The following LINC00305 variants were observed in gnomAD, a reference collection of about 807,000 sequenced individuals.
The protein encoded by LINC00305 is long intergenic non-protein coding RNA 305.
At chr18:64,106,006 A>G (rs1163936060) in intron 1 of LINC00305, among the ~76,000 whole-genome samples, 1 of 152,220 alleles carries the variant, frequency 6.6e-6, no homozygotes, top group Non-Finnish European at 1.5e-5. Flanking sequence ...TGCATGTAAC[A>G]TTGTTTCCAA....
Position 64,084,823 on chromosome 18 carries a change from T to C in LINC00305, n.541-4421A>G, listed in dbSNP as rs547004304. On this transcript the variant is annotated intron_variant and non_coding_transcript_variant, in intron 3 of 3. Coordinates refer to ENST00000666468, the Ensembl canonical transcript of LINC00305. Reference sequence around the variant, plus strand: ...TCAGCCCCATATATCTTTCATCTGATAGAAGCCAGCCTTCTCATGATGCTT... The same window carrying C: ...TCAGCCCCATATATCTTTCATCTGACAGAAGCCAGCCTTCTCATGATGCTT... 5.3e-5 allele frequency among the ~76,000 whole-genome samples: 8 copies of C among 152,358 alleles called. No individual in the cohort carries two copies. The East Asian group carries it at 1.5e-3, about 29-fold the overall frequency.
At chr18:64,119,940 C>A (rs1240842951) in intron 1 of LINC00305, among the ~76,000 whole-genome samples, 6 of 152,180 alleles carry the variant, frequency 3.9e-5, no homozygotes, top group Middle Eastern at 6.8e-3. Flanking sequence ...AGTGATGCTT[C>A]TTGTCCATGT....
At chr18:64,142,744 C>T (rs1031412463) in intron 1 of LINC00305, among the ~76,000 whole-genome samples, 1 of 151,924 alleles carries the variant, frequency 6.6e-6, no homozygotes, top group African/African-American at 2.4e-5. Context: ...GTATATAACC[C>T]CAGGAACCTT....
chr18:64,118,670 T>C (rs894976605), intron 1 of LINC00305, among the ~76,000 whole-genome samples: 7 of 152,170 alleles, frequency 4.6e-5, no homozygotes, highest in Admixed American at 3.3e-4. Context: ...CAAATGTACA[T>C]AAATTATATA....
chr18:64,114,271 G>A (rs891116241), intron 1 of LINC00305, among the ~76,000 whole-genome samples: 8 of 152,266 alleles, frequency 5.3e-5, no homozygotes, highest in Non-Finnish European at 1.0e-4. Context: ...AACGTTCAGG[G>A]TTCTAAAGTG....
At chr18:64,136,998 C>T (rs1190519474) in intron 1 of LINC00305, among the ~76,000 whole-genome samples, 1 of 152,192 alleles carries the variant, frequency 6.6e-6, no homozygotes, top group Non-Finnish European at 1.5e-5. Context: ...AAATCCATGA[C>T]TACGTGGAAC....
At chr18:64,107,531 T>G (rs996874798) in intron 1 of LINC00305, among the ~76,000 whole-genome samples, 2 of 152,200 alleles carry the variant, frequency 1.3e-5, no homozygotes, top group African/African-American at 2.4e-5. Flanking sequence ...GAGGAAGCAT[T>G]GGCTTTTGCC....
chr18:64,110,555 A>G (rs937739128), intron 1 of LINC00305, among the ~76,000 whole-genome samples: 1 of 152,182 alleles, frequency 6.6e-6, no homozygotes, highest in Non-Finnish European at 1.5e-5. Context: ...TTTTTTGAAG[A>G]AGAAATGCTT....
At chr18:64,126,507 G>T (rs1177799389) in intron 1 of LINC00305, among the ~76,000 whole-genome samples, 1 of 151,946 alleles carries the variant, frequency 6.6e-6, no homozygotes, top group African/African-American at 2.4e-5. Context: ...ACCAACATAG[G>T]CTCTCGCTCA....
intron 1 of LINC00305, among the ~76,000 whole-genome samples, chr18:64,140,325 C>T (rs936139497): frequency 5.3e-5 from 8 of 152,170 alleles, no homozygotes; most frequent in African/African-American, 1.7e-4. Context: ...TCTCCTGCCT[C>T]ACCCTCCCAA....
chr18:64,117,885 A>T (rs56022745), intron 1 of LINC00305, among the ~76,000 whole-genome samples: 10,309 of 152,262 alleles, frequency 0.068, 521 homozygotes, highest in Non-Finnish European at 0.11. Context: ...CCACGATGTC[A>T]GGTGTATTCC....
At chr18:64,109,803 G>A (rs2144248334) in intron 1 of LINC00305, among the ~76,000 whole-genome samples, 1 of 152,310 alleles carries the variant, frequency 6.6e-6, no homozygotes, top group South Asian at 2.1e-4. Flanking sequence ...CATGGAAGAG[G>A]ATTGATGTGC....
chr18:64,110,876 T>C (rs2051312126), intron 1 of LINC00305, among the ~76,000 whole-genome samples: 1 of 152,212 alleles, frequency 6.6e-6, no homozygotes, highest in Non-Finnish European at 1.5e-5. Flanking sequence ...CACTTTGCTG[T>C]GGATGGACGC....
At position 64,105,917 on chromosome 18, in the gene LINC00305, T is replaced by C. The variant is rs140932779; in HGVS notation, n.315-7277A>G. Among the ~76,000 whole-genome samples the C allele has an allele frequency of 1.1e-4, 16 of 152,318 alleles. No individual in the cohort carries two copies. The East Asian group carries it at 3.1e-3, about 29-fold the overall frequency. ...GCAGTTATGAGTGAAAATGGAGAGA[T>C]ATAATTAGAAAGGCTTTTATCCCTG... On this transcript the variant is annotated intron_variant and non_coding_transcript_variant, in intron 1 of 3. Transcript: ENST00000666468.
intron 1 of LINC00305, among the ~76,000 whole-genome samples, chr18:64,143,892 A>G (rs1177544533): frequency 6.6e-6 from 1 of 152,054 alleles, no homozygotes; most frequent in Non-Finnish European, 1.5e-5. Flanking sequence ...GTATATATAC[A>G]CACACACAGA....
chr18:64,085,649 T>C (rs2051200446), intron 3 of LINC00305, among the ~76,000 whole-genome samples: 1 of 152,034 alleles, frequency 6.6e-6, no homozygotes, highest in Admixed American at 6.6e-5. Flanking sequence ...TTAGTAGAGA[T>C]GGGGTTTCGC....
intron 1 of LINC00305, among the ~76,000 whole-genome samples, chr18:64,099,419 A>C (rs535606011): frequency 6.6e-6 from 1 of 152,290 alleles, no homozygotes; most frequent in South Asian, 2.1e-4. Flanking sequence ...GATGTTTAAA[A>C]CCTGCTGAGA....
chr18:64,091,572 G>A (rs1230966260), intron 3 of LINC00305, among the ~76,000 whole-genome samples: 2 of 152,126 alleles, frequency 1.3e-5, no homozygotes, highest in East Asian at 3.9e-4. Flanking sequence ...TCCTCATTTT[G>A]CAAATCAGGA....
chr18:64,127,187 A>T (rs1037888400), intron 1 of LINC00305, among the ~76,000 whole-genome samples: 4 of 152,034 alleles, frequency 2.6e-5, no homozygotes, highest in Non-Finnish European at 5.9e-5. Flanking sequence ...CCTCATCTCA[A>T]TATTTAGGGT....
Sources: gnomAD v4.1 joint callset for allele counts (sites outside exome capture counted in the v4.1 genomes callset) on GRCh38, gnomAD v4.1.1 for gene constraint, MANE v1.5 for transcripts, NCBI Gene and HGNC (gene_info 2026-07-23, HGNC 2026-07-21) for gene names.